The following DIP2A variants were observed in gnomAD, a reference collection of about 807,000 sequenced individuals.
DIP2A encodes the protein disco-interacting protein 2 homolog A.
A neutral mutation model predicts 177.4 loss-of-function variants in DIP2A; 85 were observed. The ratio of observed to expected loss-of-function variants is 0.48; its 90% CI spans 0.40 to 0.57. DIP2A has a LOEUF of 0.57. Ranked by LOEUF, DIP2A falls within the 20% of genes least tolerant of loss-of-function variation. The pLI is 0.00. For synonymous variants in DIP2A, 886 were observed against 881.8 expected (o/e 1.00, Z -0.08); for missense variants, 1,791 against 2,100.2 (o/e 0.85, Z 2.88).
At chr21:46,490,746 A>G (rs9976530) in intron 3 of DIP2A, 27 bp downstream of exon 3, 586,439 of 1,545,888 alleles carry the variant, frequency 0.38, 112,941 homozygotes, top group East Asian at 0.45. Context: ...GGCAGTGGGG[A>G]AGGTGGACGG....
intron 1 of DIP2A, among the ~76,000 whole-genome samples, chr21:46,466,815 T>C (rs1240490890): frequency 6.6e-6 from 1 of 152,080 alleles, no homozygotes; most frequent in African/African-American, 2.4e-5. Flanking sequence ...AACCACACAG[T>C]ACAACAGATT....
At chr21:46,547,274 G>A (rs1163592780) in intron 21 of DIP2A, 2 of 1,251,392 alleles carry the variant, frequency 1.6e-6, no homozygotes, top group Non-Finnish European at 2.0e-6. Context: ...AGGTTTTGAT[G>A]TAAAATTTGG....
intron 1 of DIP2A, among the ~76,000 whole-genome samples, chr21:46,472,838 G>A (rs2055509340): frequency 6.6e-6 from 1 of 152,176 alleles, no homozygotes. Flanking sequence ...CAAGAGTAAG[G>A]CAGGAGGGGT....
chr21:46,558,295 A>G lies in DIP2A; in HGVS notation c.3871A>G (p.Thr1291Ala). 4 of 1,610,848 alleles carry G rather than the reference A, an allele frequency of 2.5e-6. No homozygotes were observed. The highest frequency in any genetic ancestry group is 3.4e-6 in the Non-Finnish European group (4 of 1,179,350). Residue 1291 changes from threonine to alanine, a missense_variant, in exon 32 of 38, where the codon ACC becomes GCC. Physicochemically the swap from Thr to Ala is moderately conservative, Grantham distance 58 (BLOSUM62 0). Transcript: ENST00000417564. ...VAEERPRIAL[T>A]QSFSKLFKDL... ...CGAGGAGCGGCCCAGGATTGCGCTGACCCAGTCCTTCTCCAAGCTCTTCAA... is the reference window on the plus strand; with the variant it reads ...CGAGGAGCGGCCCAGGATTGCGCTGGCCCAGTCCTTCTCCAAGCTCTTCAA...
intron 18 of DIP2A, among the ~76,000 whole-genome samples, chr21:46,543,153 T>C (rs2059887431): frequency 6.6e-6 from 1 of 151,584 alleles, no homozygotes; most frequent in Admixed American, 6.6e-5. Context: ...CTTGAACCTG[T>C]CGTAAAATAA....
chr21:46,557,866 T>C lies in DIP2A; in HGVS notation c.3798+113T>C, dbSNP rs2060521839. 6 of 1,332,016 alleles carry C rather than the reference T, an allele frequency of 4.5e-6. No homozygotes were observed. The highest frequency in any genetic ancestry group is 6.1e-6 in the Non-Finnish European group (6 of 989,194). The allele number at this position is 1,332,016 out of a possible 1,614,324, so 82.5% of individuals were successfully genotyped here. On this transcript the variant is annotated intron_variant, in intron 31 of 37. Transcript: ENST00000417564. The surrounding 1 kb of genome is among the most constrained non-coding windows in gnomAD (Gnocchi z 6.0). ...GGCCCCTCCCTGCAGTTGGAGGAAG[T>C]AGAGAAAACCCTTTCCCACTAGGGG...
chr21:46,547,166 C>T, intron 21 of DIP2A, 124 bp downstream of exon 21: 1 of 1,454,794 alleles, frequency 6.9e-7, no homozygotes, highest in Non-Finnish European at 9.1e-7. Context: ...TGTTGTACAT[C>T]AGAAAACTCC....
chr21:46,550,845 C>A, intron 23 of DIP2A, 101 bp downstream of exon 23: 2 of 1,225,422 alleles, frequency 1.6e-6, no homozygotes, highest in Non-Finnish European at 2.3e-6. Context: ...TGCCAACTGC[C>A]CACGTCTTTG....
chr21:46,563,885 G>A lies in DIP2A; in HGVS notation c.4117G>A (p.Ala1373Thr), dbSNP rs1340665400. ...CCTCCCCGGCGTGAAGGTCATCATC[G>A]CACACACCGAGACCAAAGGACCCTT... ...KILPGVKVIIAHTETKGPLGD... is the reference protein window; with the variant it reads ...KILPGVKVIITHTETKGPLGD... The change falls in exon 35 of 38, where the codon GCA (alanine) becomes ACA (threonine). Residue 1373 changes from alanine (A) to threonine (T), a missense_variant. Ala to Thr is a moderately conservative substitution (Grantham distance 58). Coordinates refer to ENST00000417564, the MANE Select transcript of DIP2A (RefSeq NM_015151.4). The surrounding 1 kb of genome is among the most constrained non-coding windows in gnomAD (Gnocchi z 4.3). 5.6e-6 allele frequency: 9 copies of A among 1,613,386 alleles called. No homozygotes were observed. The highest frequency in any genetic ancestry group is 1.7e-6 in the Non-Finnish European group (2 of 1,179,794).
At position 46,569,935 on chromosome 21, in the gene DIP2A, A is replaced by C. The variant is rs1266470579; in HGVS notation, c.*2313A>C. On this transcript the variant is annotated 3_prime_UTR_variant, in exon 38 of 38. Transcript: ENST00000417564. ...TCAGGGATTTATTTTTTCTTTTTAA[A>C]AATTTTTTACAAAATTAGGATCAAG... 1.3e-5 allele frequency: 2 copies of C among 152,192 alleles called. No individual in the cohort carries two copies. The allele number at this position is 152,192 out of a possible 1,614,324, so 9.4% of individuals were successfully genotyped here.
rs779856854 is a variant in DIP2A at position 46,503,611 on chromosome 21, CCTTTCTTTCTTT to C, written c.656-736_656-725del. 5.1e-3 allele frequency among the ~76,000 whole-genome samples: 662 copies of C among 128,592 alleles called. 8 individuals are homozygous for C. The highest frequency in any genetic ancestry group is 0.012 in the African/African-American group (385 of 31,128). The allele number at this position is 128,592 out of a possible 152,430, so 84.4% of individuals were successfully genotyped here. ...TCCTTCCTTCCTTCCTTCCTTCCTT[CCTTTCTTTCTTT>C]CTTTCTTTCTTTCCTTTCTTTCTTT... On this transcript the variant is annotated intron_variant, in intron 5 of 37. Transcript: ENST00000417564.
chr21:46,509,227 C>G, intron 6 of DIP2A, 30 bp from the exon 7 acceptor site: 1 of 1,599,208 alleles, frequency 6.3e-7, no homozygotes, highest in South Asian at 1.1e-5. Flanking sequence ...GTGTCCTGGC[C>G]TCAGTGCTCC....
rs1211909082 is a variant in DIP2A, at chr21:46,547,062, C to CAT, written c.2522+21_2522+22insTA. On this transcript the variant is annotated intron_variant, in intron 21 of 37. Transcript: ENST00000417564. ...AGGCAGGTGATGCGCTGCGGACCCC[C>CAT]ACGCCGGGAGTAGATTCCTTCATTT... The CAT allele has an allele frequency of 1.2e-6, 2 of 1,609,548 alleles. No individual in the cohort carries two copies. Among genetic ancestry groups the CAT allele is most frequent in the South Asian group, 2.2e-5 (2 of 90,868 alleles).
At chr21:46,518,326 T>C (rs4347941) in intron 8 of DIP2A, among the ~76,000 whole-genome samples, 65,557 of 151,922 alleles carry the variant, frequency 0.43, 14,500 homozygotes, top group African/African-American at 0.51. Context: ...TGAGATGGCA[T>C]CACCGTTCTC....
At chr21:46,481,596 C>T (rs2056346486) in intron 1 of DIP2A, among the ~76,000 whole-genome samples, 1 of 152,180 alleles carries the variant, frequency 6.6e-6, no homozygotes, top group African/African-American at 2.4e-5. Flanking sequence ...GTTTCTATTG[C>T]TTCACAGTCT....
rs2060756663 is a variant in DIP2A, at chr21:46,563,984, ACCTT to A, written c.4164+59_4164+62del. 11 of 1,570,224 alleles carry A rather than the reference ACCTT, an allele frequency of 7.0e-6. No homozygotes were observed. The South Asian group carries it at 1.0e-4, about 15-fold the overall frequency. ...TGAGCTCTCCAGCCTCACCAGCTTCACCTTCCTTCCCTTTTTGCTTCAGATTTTG... is the reference window on the plus strand; with the variant it reads ...TGAGCTCTCCAGCCTCACCAGCTTCACCTTCCCTTTTTGCTTCAGATTTTG... On this transcript the variant is annotated intron_variant, in intron 35 of 37. Coordinates refer to ENST00000417564, the MANE Select transcript of DIP2A (RefSeq NM_015151.4). The surrounding 1 kb of genome is among the most constrained non-coding windows in gnomAD (Gnocchi z 4.3).
At chr21:46,531,065 A>ATGAGTGAGTGAG (rs1190405218) in intron 9 of DIP2A, among the ~76,000 whole-genome samples, 1 of 152,152 alleles carries the variant, frequency 6.6e-6, no homozygotes, top group Non-Finnish European at 1.5e-5. Context: ...CCTCAGCCAC[A>ATGAGTGAGTGAG]TGAGTGAGTG....
At chr21:46,532,988 G>A (rs1214209319) in intron 10 of DIP2A, among the ~76,000 whole-genome samples, 2 of 152,220 alleles carry the variant, frequency 1.3e-5, no homozygotes, top group Admixed American at 1.3e-4. Context: ...AGCATAATAT[G>A]TGATGGGCAG....
chr21:46,577,633 T>C, the DIP2A span, among the ~76,000 whole-genome samples: 1 of 152,188 alleles, frequency 6.6e-6, no homozygotes, highest in Non-Finnish European at 1.5e-5. Flanking sequence ...TGGTATCATA[T>C]CAATTTTAAA....
Sources: gnomAD v4.1 joint callset for allele counts (sites outside exome capture counted in the v4.1 genomes callset) on GRCh38, gnomAD v4.1.1 for gene constraint, Gnocchi (gnomAD v3.1) non-coding constraint, MANE v1.5 for transcripts, NCBI Gene and HGNC (gene_info 2026-07-23, HGNC 2026-07-21) for gene names.